TBX4: variants seen among roughly 807,000 people sequenced by gnomAD.
The protein encoded by TBX4 is T-box transcription factor 4, also known as T-box transcription factor TBX4.
Under a neutral mutation model 54.6 loss-of-function variants are expected in TBX4, and 13 were observed. The observed-to-expected ratio is 0.24, with a 90% CI of 0.15 to 0.38. TBX4 has a LOEUF of 0.38. Ranked by LOEUF, TBX4 falls within the 10% of genes least tolerant of loss-of-function variation. The pLI, the probability that TBX4 is intolerant of heterozygous loss-of-function variation, is 1.00. For missense variants in TBX4, 631 were observed against 728.5 expected (o/e 0.87, Z 1.54); for synonymous variants, 314 against 306.7 (o/e 1.02, Z -0.25).
intron 5 of TBX4, among the ~76,000 whole-genome samples, chr17:61,469,110 G>A (rs1489847248): frequency 6.6e-6 from 1 of 152,248 alleles, no homozygotes; most frequent in African/African-American, 2.4e-5. Context: ...GAGGATTTTG[G>A]ATGAGCCAGC....
Position 61,484,209 on chromosome 17 carries a change from G to A in TBX4, c.*693G>A. On this transcript the variant is annotated 3_prime_UTR_variant, in exon 9 of 9. Coordinates refer to ENST00000644296, the MANE Select transcript of TBX4 (RefSeq NM_001321120.2). The surrounding 1 kb of genome is among the most constrained non-coding windows in gnomAD (Gnocchi z 4.1). The stretch of plus-strand genomic sequence containing the variant: ...GTCATGGGCTAAATGTCACCTGAGG[G>A]GTATTTTTAAAGGGTTTTTTTTTCC... The A allele has an allele frequency of 6.6e-6, 1 of 152,122 alleles. No individual in the cohort carries two copies. 9.4% of individuals were successfully genotyped at this position (152,122 alleles called of 1,614,324 possible). A position where few individuals can be genotyped will look rare whatever the true frequency, so the allele number is the denominator to read the frequency against.
chr17:61,482,613 T>G (rs1463307947), intron 8 of TBX4, among the ~76,000 whole-genome samples: 1 of 152,216 alleles, frequency 6.6e-6, no homozygotes, highest in African/African-American at 2.4e-5. Context: ...AGAGTCAGGC[T>G]GGCGAAGGAT....
At chr17:61,453,105 A>T in intron 1 of TBX4, 1 of 652,550 alleles carries the variant, frequency 1.5e-6, no homozygotes. Context: ...AATGTGAACA[A>T]TTACCAAAGA....
rs767009862 is a variant in TBX4, at chr17:61,467,532, C to G, written c.424C>G (p.Pro142Ala). ...NKWMVAGKAE[P>A]AMPGRLYVHP... ...CAGGATGGTGGCAGGGAAGGCTGAGCCAGCCATGCCAGGAAGGCTGTATGT... is the reference window on the plus strand; with the variant it reads ...CAGGATGGTGGCAGGGAAGGCTGAGGCAGCCATGCCAGGAAGGCTGTATGT... Residue 142 changes from proline (P) to alanine (A), a missense_variant, in exon 5 of 9, where the codon CCA becomes GCA. By Grantham distance (27) the Pro-to-Ala change is conservative (BLOSUM62 -1). This residue lies in a region of TBX4 where 154 missense variants were observed against 238.6 expected (regional missense o/e 0.65). Transcript: ENST00000644296. The G allele has an allele frequency of 1.9e-6, 3 of 1,614,148 alleles. No individual in the cohort carries two copies. Among genetic ancestry groups the G allele is most frequent in the Non-Finnish European group, 1.7e-6 (2 of 1,180,030 alleles).
chr17:61,465,783 GT>G lies in TBX4; in HGVS notation c.282-35del, dbSNP rs761022818. 12 of 1,612,864 alleles carry G rather than the reference GT, an allele frequency of 7.4e-6. No homozygotes were observed. In the African/African-American group the frequency reaches 1.5e-4, roughly 20 times the overall value. On this transcript the variant is annotated intron_variant, in intron 3 of 8. Coordinates refer to ENST00000644296, the MANE Select transcript of TBX4 (RefSeq NM_001321120.2). The surrounding 1 kb of genome is among the most constrained non-coding windows in gnomAD (Gnocchi z 4.9). ...TCTGTTCCATCTCTCCTGGTGCTCT[GT>G]CCACACGCTCCGCCTCACCCCTCGG... is the stretch of plus-strand genomic sequence containing the variant.
At chr17:61,456,461 G>T (rs1281668648) in intron 1 of TBX4, 27 bp from the exon 2 acceptor site, 3 of 1,555,800 alleles carry the variant, frequency 1.9e-6, no homozygotes, top group Non-Finnish European at 2.6e-6. Flanking sequence ...ACCTGGGCGA[G>T]TGACTCGTTG....
Position 61,481,672 on chromosome 17 carries a change from C to T in TBX4, c.1022-1225C>T, listed in dbSNP as rs796134301. The T allele has an allele frequency of 2.6e-4, 40 of 152,472 alleles. No individual in the cohort carries two copies. The highest frequency in any genetic ancestry group is 7.5e-4 in the African/African-American group (31 of 41,536). 9.4% of individuals were successfully genotyped at this position (152,472 alleles called of 1,614,324 possible). A position where few individuals can be genotyped will look rare whatever the true frequency, so the allele number is the denominator to read the frequency against. On this transcript the variant is annotated intron_variant, in intron 8 of 8. Transcript: ENST00000644296. This position sits in a 1 kb window ranked among gnomAD's most constrained non-coding sequence, Gnocchi z 4.8. Reference sequence around the variant, plus strand: ...CATTTAGCCCCTCTGCTTCCAGCCCCGTGGGTGCACACACAGAGCTCCCCG... The same window carrying T: ...CATTTAGCCCCTCTGCTTCCAGCCCTGTGGGTGCACACACAGAGCTCCCCG...
At position 61,465,545 on chromosome 17, in the gene TBX4, G is replaced by C. The variant is rs1268028574; in HGVS notation, c.282-274G>C. Among the ~76,000 whole-genome samples, 1 of 152,302 alleles carries C rather than the reference G, an allele frequency of 6.6e-6. No homozygotes were observed. The highest frequency in any genetic ancestry group is 2.4e-5 in the African/African-American group (1 of 41,560). ...CAAGTCTTAGGGGATTATGGGGGAG[G>C]GGATAAGTGAATTTGGGAAATGGTG... On this transcript the variant is annotated intron_variant, in intron 3 of 8. Transcript: ENST00000644296. This position sits in a 1 kb window ranked among gnomAD's most constrained non-coding sequence, Gnocchi z 4.9.
At position 61,459,556 on chromosome 17, in the gene TBX4, T is replaced by C. The variant is rs2060479955; in HGVS notation, c.281+1925T>C. On this transcript the variant is annotated intron_variant, in intron 3 of 8. Coordinates refer to ENST00000644296, the MANE Select transcript of TBX4 (RefSeq NM_001321120.2). The surrounding 1 kb of genome is among the most constrained non-coding windows in gnomAD (Gnocchi z 4.8). ...ATTTTAAACAAAGGGCATTTTTGTT[T>C]GTTTGTTTTCCTCAGTAGTGTTTCC... 6.6e-6 allele frequency among the ~76,000 whole-genome samples: 1 copy of C among 152,200 alleles called. No homozygotes were observed. The highest frequency in any genetic ancestry group is 1.5e-5 in the Non-Finnish European group (1 of 68,038).
rs1339876695 is a variant in TBX4 at position 61,478,320 on chromosome 17, G to A, written c.550-307G>A. Reference sequence around the variant, plus strand: ...CTACACTGTGCTGAGTTCACAGTGGGCTTTGACAGTGTTAAGGGCTGACTC... The same window carrying A: ...CTACACTGTGCTGAGTTCACAGTGGACTTTGACAGTGTTAAGGGCTGACTC... On this transcript the variant is annotated intron_variant, in intron 5 of 8. Transcript: ENST00000644296. The surrounding 1 kb of genome is among the most constrained non-coding windows in gnomAD (Gnocchi z 7.4). 4.5e-6 allele frequency: 2 copies of A among 440,804 alleles called. No homozygotes were observed. Among genetic ancestry groups the A allele is most frequent in the Non-Finnish European group, 8.4e-6 (2 of 236,974 alleles). 27.3% of individuals were successfully genotyped at this position (440,804 alleles called of 1,614,324 possible).
intron 5 of TBX4, 139 bp downstream of exon 5, chr17:61,467,796 G>A: frequency 9.1e-7 from 1 of 1,103,432 alleles, no homozygotes; most frequent in African/African-American, 1.6e-5. Context: ...TTTAGGGAAG[G>A]AGCTCAAGCC....
At position 61,478,608 on chromosome 17, in the gene TBX4, T is replaced by C; in HGVS notation, c.550-19T>C. ...GCGGATGGGGACCTGGAGCTCAGCA[T>C]GAGACCCTTCTCTTCCAGATCATCC... On this transcript the variant is annotated intron_variant, in intron 5 of 8. Transcript: ENST00000644296. This position sits in a 1 kb window ranked among gnomAD's most constrained non-coding sequence, Gnocchi z 7.4. 6.2e-7 allele frequency: 1 copy of C among 1,614,204 alleles called. No individual in the cohort carries two copies. Among genetic ancestry groups the C allele is most frequent in the South Asian group, 1.1e-5 (1 of 91,086 alleles).
chr17:61,483,613 A>AGAGTGTGTGTGT lies in TBX4; in HGVS notation c.*98_*99insAGTGTGTGTGTG, dbSNP rs1555883969. On this transcript the variant is annotated 3_prime_UTR_variant, in exon 9 of 9. Coordinates refer to ENST00000644296, the MANE Select transcript of TBX4 (RefSeq NM_001321120.2). This position sits in a 1 kb window ranked among gnomAD's most constrained non-coding sequence, Gnocchi z 6.6. ...ACCAAGAAACACAGGAAGGTATTCC[A>AGAGTGTGTGTGT]GTGTGTGTGTGTGTGTGTGTGTGTG... 1.4e-6 allele frequency: 1 copy of AGAGTGTGTGTGT among 735,256 alleles called. No homozygotes were observed. The highest frequency in any genetic ancestry group is 2.0e-5 in the African/African-American group (1 of 48,876). The allele number at this position is 735,256 out of a possible 1,614,324, so 45.5% of individuals were successfully genotyped here.
Sources: allele counts gnomAD v4.1 joint callset (sites outside exome capture counted in the v4.1 genomes callset), GRCh38; gene constraint gnomAD v4.1.1; regional missense constraint gnomAD v4.1.1; non-coding constraint Gnocchi (gnomAD v3.1); transcripts MANE v1.5; gene names NCBI Gene and HGNC (gene_info 2026-07-23, HGNC 2026-07-21).